The following TSBP1 variants were observed in gnomAD, a reference collection of about 807,000 sequenced individuals.
TSBP1 encodes the protein testis expressed basic protein 1, also known as testis-expressed basic protein 1.
Under a neutral mutation model 68.8 loss-of-function variants are expected in TSBP1, and 56 were observed. That is an observed-to-expected ratio of 0.81 (90% CI 0.66 to 1.02). The LOEUF is 1.02. TSBP1 is among the 50% of genes least tolerant of loss of function. The pLI is 0.00. For missense variants in TSBP1, 502 were observed against 641.2 expected (o/e 0.78, Z 2.34); for synonymous variants, 171 against 208.7 (o/e 0.82, Z 1.56).
rs2395141 is a variant in TSBP1, at chr6:32,314,291, G to A, written c.580+1481C>T. 0.69 allele frequency among the ~76,000 whole-genome samples: 104,119 copies of A among 151,970 alleles called. 35,843 individuals carry two copies. The highest frequency in any genetic ancestry group is 0.82 in the South Asian group (3,930 of 4,816). On this transcript the variant is annotated intron_variant, in intron 19 of 22. Coordinates refer to ENST00000612031, the Ensembl canonical transcript of TSBP1. This position sits in a 1 kb window ranked among gnomAD's most constrained non-coding sequence, Gnocchi z 4.2. Reference sequence around the variant, plus strand: ...TTTTCTTTCTCCCTACCCCTCGGGTGTTGGATTTTTACATTATTTCCCTGC... The same window carrying A: ...TTTTCTTTCTCCCTACCCCTCGGGTATTGGATTTTTACATTATTTCCCTGC...
At position 32,339,396 on chromosome 6, in the gene TSBP1, A is replaced by ATAC. The variant is rs1770064840; in HGVS notation, c.388+203_388+204insGTA. 5.9e-6 allele frequency: 4 copies of ATAC among 674,544 alleles called. No homozygotes were observed. The South Asian group carries it at 6.0e-5, about 10-fold the overall frequency. The allele number at this position is 674,544 out of a possible 1,614,324, so 41.8% of individuals were successfully genotyped here. On this transcript the variant is annotated intron_variant, in intron 10 of 22. Transcript: ENST00000612031. ...TCACACTGGTAAAAGAGAGAACAGT[A>ATAC]AAATTGCAAGTTTTTCTCCTTTCCT...
At position 32,343,407 on chromosome 6, in the gene TSBP1, A is replaced by G; in HGVS notation, c.350-3769T>C. On this transcript the variant is annotated intron_variant, in intron 9 of 22. Transcript: ENST00000612031. The surrounding 1 kb of genome is among the most constrained non-coding windows in gnomAD (Gnocchi z 4.3). Reference sequence around the variant, plus strand: ...GGCTCATAAAGTGGCCACACTTGCAAGTGATCCCATGTCTTTTCCCCCTTA... The same window carrying G: ...GGCTCATAAAGTGGCCACACTTGCAGGTGATCCCATGTCTTTTCCCCCTTA... 1 of 426,836 alleles carries G rather than the reference A, an allele frequency of 2.3e-6. No individual in the cohort carries two copies. The allele number at this position is 426,836 out of a possible 1,614,324, so 26.4% of individuals were successfully genotyped here.
chr6:32,356,765 C>T (rs561947805), intron 6 of TSBP1: 2 of 153,806 alleles, frequency 1.3e-5, no homozygotes, highest in Non-Finnish European at 1.5e-5. Context: ...AATAGAGTTG[C>T]CACAAAAATG....
Position 32,333,724 on chromosome 6 carries a change from C to T in TSBP1, c.473-1670G>A, listed in dbSNP as rs1287929877. Among the ~76,000 whole-genome samples, 1 of 152,228 alleles carries T rather than the reference C, an allele frequency of 6.6e-6. No homozygotes were observed. Among genetic ancestry groups the T allele is most frequent in the African/African-American group, 2.4e-5 (1 of 41,462 alleles). On this transcript the variant is annotated intron_variant, in intron 14 of 22. Transcript: ENST00000612031. This position sits in a 1 kb window ranked among gnomAD's most constrained non-coding sequence, Gnocchi z 4.2. ...GTTCCCAGATGAGAGCTATGGTAATCTTCTAAGTCTGCGTGGTTAGTTGAA... is the reference window on the plus strand; with the variant it reads ...GTTCCCAGATGAGAGCTATGGTAATTTTCTAAGTCTGCGTGGTTAGTTGAA...
chr6:32,330,691 C>CA, intron 15 of TSBP1, 82 bp from the exon 17 acceptor site: 1 of 1,445,718 alleles, frequency 6.9e-7, no homozygotes, highest in East Asian at 2.5e-5. Flanking sequence ...TTTTTTGAGA[C>CA]AGAGTCTCTC....
rs969521342 is a variant in TSBP1 at position 32,304,246 on chromosome 6, CAA to C, written c.581-1619_581-1618del. Among the ~76,000 whole-genome samples the C allele has an allele frequency of 1.3e-5, 2 of 152,106 alleles. No individual in the cohort carries two copies. Among genetic ancestry groups the C allele is most frequent in the African/African-American group, 4.8e-5 (2 of 41,524 alleles). ...AAACCAAAATAGAAACCAAAAACAA[CAA>C]AAGTGTCAGTGCAAATAAAGGAATC... On this transcript the variant is annotated intron_variant, in intron 19 of 22. Transcript: ENST00000612031. This position sits in a 1 kb window ranked among gnomAD's most constrained non-coding sequence, Gnocchi z 4.8.
intron 22 of TSBP1, among the ~76,000 whole-genome samples, chr6:32,294,929 C>T (rs1031024765): frequency 6.6e-6 from 1 of 151,878 alleles, no homozygotes; most frequent in Non-Finnish European, 1.5e-5. Flanking sequence ...AATATCTGAG[C>T]CACCAAGGAA....
intron 10 of TSBP1, chr6:32,339,348 T>A (rs1770056222): frequency 3.3e-6 from 2 of 604,290 alleles, no homozygotes; most frequent in African/African-American, 3.7e-5. Flanking sequence ...ACTTAGAGGA[T>A]CTTGAAATCA....
rs1769244280 is a variant in TSBP1 at position 32,333,085 on chromosome 6, T to C, written c.473-1031A>G. Among the ~76,000 whole-genome samples, 1 of 151,952 alleles carries C rather than the reference T, an allele frequency of 6.6e-6. No individual in the cohort carries two copies. Among genetic ancestry groups the C allele is most frequent in the African/African-American group, 2.4e-5 (1 of 41,374 alleles). Reference sequence around the variant, plus strand: ...ATGCAGTGGCATGATCTCGGCTCACTGCAACCTCTGCCTCCTGGGTTCAAG... The same window carrying C: ...ATGCAGTGGCATGATCTCGGCTCACCGCAACCTCTGCCTCCTGGGTTCAAG... On this transcript the variant is annotated intron_variant, in intron 14 of 22. Coordinates refer to ENST00000612031, the Ensembl canonical transcript of TSBP1. The surrounding 1 kb of genome is among the most constrained non-coding windows in gnomAD (Gnocchi z 4.2).
chr6:32,330,167 T>C (rs1468009206), intron 16 of TSBP1, among the ~76,000 whole-genome samples: 1 of 152,232 alleles, frequency 6.6e-6, no homozygotes, highest in Non-Finnish European at 1.5e-5. Flanking sequence ...TAGTATTTCC[T>C]GTTAAATTTT....
chr6:32,312,303 A>AGTGGGAATTATAACAACG, intron 19 of TSBP1, among the ~76,000 whole-genome samples: 1 of 152,174 alleles, frequency 6.6e-6, no homozygotes, highest in South Asian at 2.1e-4. Context: ...CAGCCTCAAC[A>AGTGGGAATTATAACAACG]GTGGGAATTA....
At chr6:32,366,522 G>A (rs1773742223) in intron 4 of TSBP1, 1 of 527,738 alleles carries the variant, frequency 1.9e-6, no homozygotes, top group South Asian at 1.9e-5. Flanking sequence ...CCAGCACTTT[G>A]GGAGGCCGAG....
chr6:32,370,407 GTATATATATATATATA>G (rs9279612), intron 1 of TSBP1, among the ~76,000 whole-genome samples: 29,550 of 130,610 alleles, frequency 0.23, 3,685 homozygotes, highest in African/African-American at 0.32. Flanking sequence ...AAGATTTTCT[GTATATATATATATATA>G]TATATATATA....
chr6:32,294,005 A>C, exon 23 of TSBP1: 1 of 1,611,334 alleles, frequency 6.2e-7, no homozygotes, highest in Non-Finnish European at 8.5e-7. Context: ...TTTTTTTGCA[A>C]GTTCTTCATC....
intron 9 of TSBP1, among the ~76,000 whole-genome samples, chr6:32,347,190 G>T (rs969165058): frequency 1.4e-5 from 2 of 147,912 alleles, no homozygotes; most frequent in African/African-American, 5.0e-5. Flanking sequence ...TTGAGACAGG[G>T]TCTCACTCTG....
chr6:32,335,812 T>G lies in TSBP1; in HGVS notation c.451+100A>C. The G allele has an allele frequency of 1.0e-6, 1 of 980,066 alleles. No individual in the cohort carries two copies. Among genetic ancestry groups the G allele is most frequent in the Non-Finnish European group, 1.6e-6 (1 of 622,230 alleles). 60.7% of individuals were successfully genotyped at this position (980,066 alleles called of 1,614,324 possible). On this transcript the variant is annotated intron_variant, in intron 13 of 22. Coordinates refer to ENST00000612031, the Ensembl canonical transcript of TSBP1. This position sits in a 1 kb window ranked among gnomAD's most constrained non-coding sequence, Gnocchi z 5.5. ...AATAAGGGTTGAAGAAAATGTGAAC[T>G]CCAAACCCTTGAAATCCCAACATGG...
In TSBP1 at chr6:32,337,007, A is replaced by C. The variant is rs889611204; in HGVS notation, c.410-372T>G. On this transcript the variant is annotated intron_variant, in intron 11 of 22. Transcript: ENST00000612031. This position sits in a 1 kb window ranked among gnomAD's most constrained non-coding sequence, Gnocchi z 5.5. The stretch of plus-strand genomic sequence containing the variant: ...TACAATTAAGAAGTATGAGTGAGAA[A>C]TCCTGCAGGGGTAGAAATGGTAACA... Among the ~76,000 whole-genome samples the C allele has an allele frequency of 2.6e-5, 4 of 152,174 alleles. No homozygotes were observed. The highest frequency in any genetic ancestry group is 9.7e-5 in the African/African-American group (4 of 41,438).
chr6:32,324,718 T>C, intron 16 of TSBP1: 1 of 1,550,304 alleles, frequency 6.5e-7, no homozygotes, highest in Non-Finnish European at 8.7e-7. Context: ...TACCCCTTTC[T>C]TGTTTCTTTT....
At chr6:32,360,289 G>A (rs1255052961) in intron 6 of TSBP1, among the ~76,000 whole-genome samples, 1 of 152,054 alleles carries the variant, frequency 6.6e-6, no homozygotes, top group East Asian at 1.9e-4. Flanking sequence ...TCTATGCGTG[G>A]CTAATTATAC....
Sources: allele counts gnomAD v4.1 joint callset (sites outside exome capture counted in the v4.1 genomes callset), GRCh38; gene constraint gnomAD v4.1.1; non-coding constraint Gnocchi (gnomAD v3.1); transcripts MANE v1.5; gene names NCBI Gene and HGNC (gene_info 2026-07-23, HGNC 2026-07-21).